The following SLC41A2 variants were observed in gnomAD, a reference collection of about 807,000 sequenced individuals.
SLC41A2 encodes solute carrier family 41 member 2.
Under a neutral mutation model 58.3 loss-of-function variants are expected in SLC41A2, and 32 were observed. The observed-to-expected ratio is 0.55, with a 90% confidence interval of 0.41 to 0.74. The LOEUF (loss-of-function observed/expected upper bound fraction) is 0.74. Among genes scored for constraint, SLC41A2 ranks in the 30% least tolerant of loss-of-function variants. The probability of loss-of-function intolerance (pLI) is 0.00; values close to 1 mark genes in which losing one functional copy is unlikely to be tolerated. For missense variants in SLC41A2, 514 were observed against 680.6 expected, an observed-to-expected ratio of 0.76 and a Z score of 2.72; for synonymous variants, 190 against 235.0, an observed-to-expected ratio of 0.81 and a Z score of 1.75.
intron 10 of SLC41A2, among the ~76,000 whole-genome samples, chr12:104,825,818 C>G (rs1453607014): frequency 6.6e-6 from 1 of 152,194 alleles, no homozygotes; most frequent in Non-Finnish European, 1.5e-5. Flanking sequence ...AACTGAAACC[C>G]ACCCCACAGA....
At chr12:104,936,320 G>A (rs78163134) in intron 1 of SLC41A2, among the ~76,000 whole-genome samples, 5,827 of 152,196 alleles carry the variant, frequency 0.038, 156 homozygotes, top group East Asian at 0.1. Flanking sequence ...ACTGGCCCAG[G>A]AAACCTTGCA....
chr12:104,911,690 G>A (rs1448941082), intron 2 of SLC41A2, among the ~76,000 whole-genome samples: 2 of 152,120 alleles, frequency 1.3e-5, no homozygotes, highest in African/African-American at 4.8e-5. Context: ...TAGAACTGGG[G>A]GGCCTAAAGA....
chr12:104,838,876 C>T (rs2042304208), intron 10 of SLC41A2, among the ~76,000 whole-genome samples: 1 of 152,190 alleles, frequency 6.6e-6, no homozygotes, highest in South Asian at 2.1e-4. Context: ...GTGACTACCA[C>T]AGTAGTTGGC....
intron 3 of SLC41A2, among the ~76,000 whole-genome samples, chr12:104,908,117 T>C (rs2045931479): frequency 6.6e-6 from 1 of 151,906 alleles, no homozygotes; most frequent in Non-Finnish European, 1.5e-5. Flanking sequence ...CTACAAAAAT[T>C]AACTGGGCAT....
At position 104,899,947 on chromosome 12, in the gene SLC41A2, T is replaced by C. The variant is rs80202725; in HGVS notation, c.664-4602A>G. On this transcript the variant is annotated intron_variant, in intron 3 of 10. Transcript: ENST00000258538. Reference sequence around the variant, plus strand: ...ACCAGACTCATTTAGGTTATTCCTATGTAAATGCACTTTAGTACTTGGTCA... The same window carrying C: ...ACCAGACTCATTTAGGTTATTCCTACGTAAATGCACTTTAGTACTTGGTCA... 1.1e-3 allele frequency among the ~76,000 whole-genome samples: 172 copies of C among 152,298 alleles called. 1 individual carries two copies. Among genetic ancestry groups the C allele is most frequent in the Middle Eastern group, 3.4e-3 (1 of 294 alleles).
Position 104,860,387 on chromosome 12 carries a change from C to T in SLC41A2, c.1255+904G>A, listed in dbSNP as rs373710925. Among the ~76,000 whole-genome samples the T allele has an allele frequency of 1.8e-3, 264 of 143,818 alleles. 1 individual carries two copies. Among genetic ancestry groups the T allele is most frequent in the Middle Eastern group, 0.017 (5 of 288 alleles). The allele number at this position is 143,818 out of a possible 152,430, so 94.4% of individuals were successfully genotyped here. ...CACGTTCTGCACATGTATCCCAGAA[C>T]TTAAACTAAAAAAAAAAAAAAAAAT... On this transcript the variant is annotated intron_variant, in intron 8 of 10. Transcript: ENST00000258538.
intron 10 of SLC41A2, among the ~76,000 whole-genome samples, chr12:104,840,624 C>A (rs2042377928): frequency 6.6e-6 from 1 of 152,172 alleles, no homozygotes; most frequent in Non-Finnish European, 1.5e-5. Flanking sequence ...TCTGATTGCT[C>A]TTGGGGACTG....
chr12:104,861,237 C>G, intron 8 of SLC41A2, 54 bp downstream of exon 8: 11 of 1,329,220 alleles, frequency 8.3e-6, no homozygotes, highest in Non-Finnish European at 1.2e-5. Flanking sequence ...GTACCTAAGA[C>G]TAAGAGGATA....
At chr12:104,825,032 CT>C (rs60592498) in intron 10 of SLC41A2, among the ~76,000 whole-genome samples, 1 of 151,850 alleles carries the variant, frequency 6.6e-6, no homozygotes, top group Admixed American at 6.6e-5. Flanking sequence ...GACTTTGTCT[CT>C]TTTTTCTCTC....
intron 1 of SLC41A2, among the ~76,000 whole-genome samples, chr12:104,955,472 G>A (rs569130290): frequency 5.9e-5 from 9 of 152,194 alleles, no homozygotes; most frequent in African/African-American, 1.9e-4. Flanking sequence ...CACTACCCCC[G>A]GTGTTTCCTC....
At chr12:104,934,485 T>C (rs1315433644) in intron 1 of SLC41A2, among the ~76,000 whole-genome samples, 1 of 148,902 alleles carries the variant, frequency 6.7e-6, no homozygotes, top group Non-Finnish European at 1.5e-5. Context: ...CCAATATTTG[T>C]ACAAGACAGA....
Position 104,803,966 on chromosome 12 carries a change from A to AATT in SLC41A2, c.*1183_*1185dup, listed in dbSNP as rs1261824652. The AATT allele has an allele frequency of 6.6e-6, 1 of 151,472 alleles. No individual in the cohort carries two copies. Among genetic ancestry groups the AATT allele is most frequent in the Non-Finnish European group, 1.5e-5 (1 of 67,906 alleles). 9.4% of individuals were successfully genotyped at this position (151,472 alleles called of 1,614,324 possible). A position where few individuals can be genotyped will look rare whatever the true frequency, so the allele number is the denominator to read the frequency against. ...CTACTTTTTAAAATAAGAAATTATT[A>AATT]ATTATTAATTAGAGTGTAGGTAACA... is the stretch of plus-strand genomic sequence containing the variant. On this transcript the variant is annotated 3_prime_UTR_variant, in exon 11 of 11. Transcript: ENST00000258538.
At chr12:104,850,983 T>G (rs1293147683) in intron 8 of SLC41A2, among the ~76,000 whole-genome samples, 1 of 152,226 alleles carries the variant, frequency 6.6e-6, no homozygotes, top group Non-Finnish European at 1.5e-5. Flanking sequence ...TGGGTTTTTC[T>G]GAAAACCACC....
At chr12:104,909,595 C>G (rs1379015149) in intron 3 of SLC41A2, 60 bp downstream of exon 3, 7 of 1,153,982 alleles carry the variant, frequency 6.1e-6, no homozygotes, top group Non-Finnish European at 8.9e-6. Context: ...ATACAAGTTC[C>G]CCTTAACAGA....
intron 8 of SLC41A2, among the ~76,000 whole-genome samples, chr12:104,859,011 T>A (rs559505883): frequency 1.3e-5 from 2 of 152,214 alleles, no homozygotes; most frequent in Non-Finnish European, 2.9e-5. Flanking sequence ...CTAACAGTCA[T>A]TATGAGTAAT....
intron 1 of SLC41A2, among the ~76,000 whole-genome samples, chr12:104,957,577 C>G (rs1244675769): frequency 6.6e-6 from 1 of 152,180 alleles, no homozygotes; most frequent in African/African-American, 2.4e-5. Context: ...ATATACACAT[C>G]AATGTATATC....
chr12:104,880,315 C>T (rs1238569845), intron 6 of SLC41A2, among the ~76,000 whole-genome samples: 2 of 152,154 alleles, frequency 1.3e-5, no homozygotes, highest in African/African-American at 4.8e-5. Context: ...ATTTCTTTCT[C>T]CTGCCTGATT....
intron 3 of SLC41A2, among the ~76,000 whole-genome samples, chr12:104,903,470 G>A (rs1565888114): frequency 6.6e-6 from 1 of 152,188 alleles, no homozygotes; most frequent in Admixed American, 6.5e-5. Context: ...ATGTGTATCA[G>A]AATCATCTGG....
At chr12:104,836,090 C>T (rs7969595) in intron 10 of SLC41A2, among the ~76,000 whole-genome samples, 2,286 of 152,256 alleles carry the variant, frequency 0.015, 51 homozygotes, top group African/African-American at 0.052. Context: ...GTGATCCATC[C>T]GCCTTGGCCT....
Sources: allele counts gnomAD v4.1 joint callset (sites outside exome capture counted in the v4.1 genomes callset), GRCh38; gene constraint gnomAD v4.1.1; transcripts MANE v1.5; gene names NCBI Gene and HGNC (gene_info 2026-07-23, HGNC 2026-07-21).